The following RPS6KA2 variants were observed in gnomAD, a reference collection of about 807,000 sequenced individuals.
The protein encoded by RPS6KA2 is ribosomal protein S6 kinase alpha-2.
Under a neutral mutation model 91.8 loss-of-function variants are expected in RPS6KA2, and 42 were observed. The ratio of observed to expected loss-of-function variants is 0.46; its 90% CI spans 0.36 to 0.59. The LOEUF is 0.59. RPS6KA2 is among the 20% of genes least tolerant of loss of function. The pLI is 0.00. For synonymous variants in RPS6KA2, 414 were observed against 393.6 expected (o/e 1.05, Z -0.61); for missense variants, 798 against 978.5 (o/e 0.82, Z 2.46).
chr6:166,523,190 G>A (rs946145375), intron 3 of RPS6KA2, among the ~76,000 whole-genome samples: 1 of 152,236 alleles, frequency 6.6e-6, no homozygotes, highest in Admixed American at 6.5e-5. Context: ...TTAGGTAAGG[G>A]TGATGTTTAT....
At chr6:166,848,767 G>A (rs1409731488) in intron 2 of RPS6KA2, among the ~76,000 whole-genome samples, 1 of 151,968 alleles carries the variant, frequency 6.6e-6, no homozygotes, top group African/African-American at 2.4e-5. Flanking sequence ...GGTGGGAGGG[G>A]GATGAAGGAT....
At chr6:166,720,674 C>T (rs768783596) in intron 2 of RPS6KA2, among the ~76,000 whole-genome samples, 1 of 152,210 alleles carries the variant, frequency 6.6e-6, no homozygotes, top group Non-Finnish European at 1.5e-5. Context: ...AATACTTGGT[C>T]ATAAGAAAAA....
intron 2 of RPS6KA2, among the ~76,000 whole-genome samples, chr6:166,755,638 C>A (rs1777987898): frequency 6.6e-6 from 1 of 152,202 alleles, no homozygotes; most frequent in Non-Finnish European, 1.5e-5. Context: ...TCCGGCCCAG[C>A]TTCCTACCTC....
chr6:166,784,842 T>C (rs1310388547), intron 2 of RPS6KA2, among the ~76,000 whole-genome samples: 1 of 152,194 alleles, frequency 6.6e-6, no homozygotes, highest in Non-Finnish European at 1.5e-5. Flanking sequence ...TTCTACCGAG[T>C]AAATTTATGA....
At chr6:166,671,078 G>A (rs911535621) in intron 2 of RPS6KA2, among the ~76,000 whole-genome samples, 1 of 152,124 alleles carries the variant, frequency 6.6e-6, no homozygotes, top group Admixed American at 6.6e-5. Context: ...CTCCCAAAGT[G>A]TTAGAATTCT....
intron 1 of RPS6KA2, among the ~76,000 whole-genome samples, chr6:166,610,326 C>T (rs547169415): frequency 6.6e-6 from 1 of 152,140 alleles, no homozygotes; most frequent in Non-Finnish European, 1.5e-5. Flanking sequence ...GATAATCCCA[C>T]CAACATAGGC....
intron 2 of RPS6KA2, among the ~76,000 whole-genome samples, chr6:166,645,620 C>T (rs1478121952): frequency 2.0e-5 from 3 of 152,318 alleles, no homozygotes; most frequent in East Asian, 1.9e-4. Flanking sequence ...GCCATGCTCA[C>T]GGGAATGTGC....
intron 2 of RPS6KA2, among the ~76,000 whole-genome samples, chr6:166,764,971 A>G (rs2128604649): frequency 6.6e-6 from 1 of 152,320 alleles, no homozygotes; most frequent in East Asian, 1.9e-4. Flanking sequence ...TCATATGTCC[A>G]CGGAGGTGGC....
At chr6:166,664,848 T>A (rs1788270144) in intron 2 of RPS6KA2, among the ~76,000 whole-genome samples, 1 of 152,112 alleles carries the variant, frequency 6.6e-6, no homozygotes, top group South Asian at 2.1e-4. Flanking sequence ...CTACTGGATA[T>A]GAGGTGCAGA....
intron 2 of RPS6KA2, among the ~76,000 whole-genome samples, chr6:166,703,670 A>G (rs551640216): frequency 1.3e-5 from 2 of 152,330 alleles, no homozygotes; most frequent in African/African-American, 4.8e-5. Flanking sequence ...TCACAGAAGG[A>G]ATATGAAGGA....
At chr6:166,738,068 G>A (rs576190399) in intron 2 of RPS6KA2, among the ~76,000 whole-genome samples, 99 of 152,232 alleles carry the variant, frequency 6.5e-4, no homozygotes, top group Admixed American at 1.2e-3. Flanking sequence ...ACTGTCCCAT[G>A]ACCTGCCTTT....
At chr6:166,450,036 A>G (rs1458819656) in intron 13 of RPS6KA2, among the ~76,000 whole-genome samples, 52 of 150,076 alleles carry the variant, frequency 3.5e-4, no homozygotes, top group Middle Eastern at 3.6e-3. Flanking sequence ...CACAGGAGCC[A>G]CCATGGGAAC....
At chr6:166,595,434 G>A (rs560523769) in intron 1 of RPS6KA2, among the ~76,000 whole-genome samples, 2 of 152,308 alleles carry the variant, frequency 1.3e-5, no homozygotes, top group South Asian at 2.1e-4. Context: ...CAAGTTCAAC[G>A]ACAGCAAAGC....
At chr6:166,616,695 T>C (rs1398973782) in intron 1 of RPS6KA2, among the ~76,000 whole-genome samples, 1 of 152,196 alleles carries the variant, frequency 6.6e-6, no homozygotes, top group South Asian at 2.1e-4. Context: ...CCCACAGCTC[T>C]GAGCTGCATG....
At chr6:166,784,656 A>G (rs9364867) in intron 2 of RPS6KA2, among the ~76,000 whole-genome samples, 1 of 50,286 alleles carries the variant, frequency 2.0e-5, no homozygotes, top group Non-Finnish European at 3.4e-5. Context: ...AACCACATAT[A>G]CACATGTGCA....
At chr6:166,483,001 A>G (rs1183881174) in intron 10 of RPS6KA2, among the ~76,000 whole-genome samples, 1 of 152,226 alleles carries the variant, frequency 6.6e-6, no homozygotes, top group Non-Finnish European at 1.5e-5. Flanking sequence ...GGGAGTCCCA[A>G]CACTTTTCCA....
Position 166,603,488 on chromosome 6 carries a change from C to T in RPS6KA2, c.99+23433G>A, listed in dbSNP as rs1405439298. On this transcript the variant is annotated intron_variant, in intron 1 of 20. Transcript: ENST00000265678. The surrounding 1 kb of genome is among the most constrained non-coding windows in gnomAD (Gnocchi z 4.3). ...GGATCTGAAAGGCTTCATTTGGCCT[C>T]ATAAATGGGATTAGCATGGGGGCAG... is the stretch of plus-strand genomic sequence containing the variant. Among the ~76,000 whole-genome samples the T allele has an allele frequency of 6.6e-6, 1 of 152,116 alleles. No individual in the cohort carries two copies. Among genetic ancestry groups the T allele is most frequent in the East Asian group, 1.9e-4 (1 of 5,186 alleles).
intron 3 of RPS6KA2, among the ~76,000 whole-genome samples, chr6:166,524,816 G>A (rs1385242563): frequency 3.9e-5 from 6 of 152,204 alleles, no homozygotes; most frequent in Admixed American, 2.0e-4. Flanking sequence ...GGCCAGGAGA[G>A]GCACCCCAAG....
At chr6:166,595,357 G>A (rs1020185273) in intron 1 of RPS6KA2, among the ~76,000 whole-genome samples, 1 of 152,144 alleles carries the variant, frequency 6.6e-6, no homozygotes, top group African/African-American at 2.4e-5. Context: ...CAGCCAAAAC[G>A]AATAAACTTT....
Sources: gnomAD v4.1 joint callset for allele counts (sites outside exome capture counted in the v4.1 genomes callset) on GRCh38, gnomAD v4.1.1 for gene constraint, Gnocchi (gnomAD v3.1) non-coding constraint, MANE v1.5 for transcripts, NCBI Gene and HGNC (gene_info 2026-07-23, HGNC 2026-07-21) for gene names.